ANKRD36B: variants seen among roughly 807,000 people sequenced by gnomAD.
ANKRD36B encodes the protein ankyrin repeat domain 36B.
ANKRD36B carries 37 observed loss-of-function variants against 135.7 expected under a neutral mutation model. The observed-to-expected ratio is 0.27, with a 90% CI of 0.21 to 0.36. The LOEUF is 0.36. Ranked by LOEUF, ANKRD36B falls within the 10% of genes least tolerant of loss-of-function variation. ANKRD36B has a pLI of 1.00. For synonymous variants in ANKRD36B, 179 were observed against 348.1 expected (o/e 0.51, Z 5.41); for missense variants, 549 against 1,037.1 (o/e 0.53, Z 6.46).
Position 97,536,396 on chromosome 2 carries a change from G to T in ANKRD36B, c.2119-24C>A. On this transcript the variant is annotated intron_variant, in intron 33 of 43. Transcript: ENST00000359901. ...GCCTGAATGGGTTTTAAAACAAAGTGATTAGCACATGATGTATATTGGTAT... is the reference window on the plus strand; with the variant it reads ...GCCTGAATGGGTTTTAAAACAAAGTTATTAGCACATGATGTATATTGGTAT... 3 of 903,040 alleles carry T rather than the reference G, an allele frequency of 3.3e-6. 1 individual carries two copies. The allele number at this position is 903,040 out of a possible 1,614,324, so 55.9% of individuals were successfully genotyped here. A position where few individuals can be genotyped will look rare whatever the true frequency, so the allele number is the denominator to read the frequency against.
chr2:97,561,278 A>G (rs555131480), intron 6 of ANKRD36B, among the ~76,000 whole-genome samples: 1 of 152,072 alleles, frequency 6.6e-6, no homozygotes, highest in South Asian at 2.1e-4. Flanking sequence ...GGAATATTTT[A>G]CTGCAAACAT....
intron 1 of ANKRD36B, among the ~76,000 whole-genome samples, chr2:97,587,386 C>T (rs2083085941): frequency 6.6e-6 from 1 of 152,034 alleles, no homozygotes; most frequent in Non-Finnish European, 1.5e-5. Flanking sequence ...ATATTTTGTA[C>T]ACATATTTGG....
chr2:97,555,507 G>C (rs968211487), intron 12 of ANKRD36B, among the ~76,000 whole-genome samples: 7 of 151,776 alleles, frequency 4.6e-5, no homozygotes, highest in African/African-American at 7.3e-5. Flanking sequence ...AACAGTGTTA[G>C]TATCAATGTG....
rs376276116 is a variant in ANKRD36B, at chr2:97,531,119, T to C, written c.2265+1192A>G. 9.8e-5 allele frequency among the ~76,000 whole-genome samples: 9 copies of C among 91,800 alleles called. 4 individuals carry two copies. Among genetic ancestry groups the C allele is most frequent in the Non-Finnish European group, 2.6e-4 (9 of 34,674 alleles). The allele number at this position is 91,800 out of a possible 152,430, so 60.2% of individuals were successfully genotyped here. A position where few individuals can be genotyped will look rare whatever the true frequency, so the allele number is the denominator to read the frequency against. ...GACACATGCACACGTATGTTTATTG[T>C]GGCACTATTCACAATAGCAAAGACT... On this transcript the variant is annotated intron_variant, in intron 35 of 43. Coordinates refer to ENST00000359901, the MANE Select transcript of ANKRD36B (RefSeq NM_001393939.1).
intron 3 of ANKRD36B, 134 bp from the exon 4 acceptor site, chr2:97,580,702 C>A (rs2082578711): frequency 2.2e-5 from 15 of 692,838 alleles, no homozygotes; most frequent in Non-Finnish European, 3.3e-5. Context: ...TTTCTTTTCC[C>A]TCCTCGGTGC....
At position 97,553,176 on chromosome 2, in the gene ANKRD36B, G is replaced by A; in HGVS notation, c.1265C>T (p.Ser422Phe). The stretch of plus-strand genomic sequence containing the variant: ...GTGTTTTGCAAAATTACCTGTCCCA[G>A]ATTTTTCTCCATCCTTTATTTCTGT... Reference protein sequence around the residue: ...IATEIKDGEKSGTVSSQKKPA... With the variant: ...IATEIKDGEKFGTVSSQKKPA... Residue 422 changes from serine (S) to phenylalanine (F), a missense_variant, in exon 16 of 44, where the codon TCT becomes TTT. Ser to Phe is a radical substitution (Grantham distance 155). Coordinates refer to ENST00000359901, the MANE Select transcript of ANKRD36B (RefSeq NM_001393939.1). 1 of 1,611,124 alleles carries A rather than the reference G, an allele frequency of 6.2e-7. No homozygotes were observed. The highest frequency in any genetic ancestry group is 1.1e-5 in the South Asian group (1 of 90,820).
chr2:97,585,148 T>C (rs1187840861), intron 2 of ANKRD36B, 31 bp from the exon 3 acceptor site: 2 of 1,613,702 alleles, frequency 1.2e-6, no homozygotes, highest in Non-Finnish European at 1.7e-6. Context: ...AACATGCAAA[T>C]ACTGAAAAAA....
chr2:97,578,038 A>C (rs1291276294), intron 5 of ANKRD36B, among the ~76,000 whole-genome samples: 1 of 152,092 alleles, frequency 6.6e-6, no homozygotes, highest in Non-Finnish European at 1.5e-5. Flanking sequence ...AAGAGAAAAA[A>C]AAGGGACTCA....
chr2:97,545,586 C>A, intron 24 of ANKRD36B, 80 bp downstream of exon 24: 2 of 746,028 alleles, frequency 2.7e-6, no homozygotes, highest in Non-Finnish European at 4.3e-6. Context: ...ATTTGACGAA[C>A]CCCCCGCTGC....
At chr2:97,548,704 A>G (rs983281220) in intron 20 of ANKRD36B, among the ~76,000 whole-genome samples, 1 of 151,954 alleles carries the variant, frequency 6.6e-6, no homozygotes, top group Non-Finnish European at 1.5e-5. Context: ...TCATTTCTAT[A>G]ACTAAAATCA....
rs1337537464 is a variant in ANKRD36B at position 97,531,897 on chromosome 2, G to A, written c.2265+414C>T. 7.3e-5 allele frequency among the ~76,000 whole-genome samples: 7 copies of A among 96,138 alleles called. 2 individuals are homozygous for A. Among genetic ancestry groups the A allele is most frequent in the Non-Finnish European group, 1.7e-4 (6 of 36,224 alleles). 63.1% of individuals were successfully genotyped at this position (96,138 alleles called of 152,430 possible). ...ATAAATTCTTAACCTTGGTATTAGT[G>A]ACTGGCAATAAAAAAACTGCAAAGT... is the stretch of plus-strand genomic sequence containing the variant. On this transcript the variant is annotated intron_variant, in intron 35 of 43. Coordinates refer to ENST00000359901, the MANE Select transcript of ANKRD36B (RefSeq NM_001393939.1).
intron 14 of ANKRD36B, among the ~76,000 whole-genome samples, chr2:97,553,636 A>C (rs1453585602): frequency 1.3e-5 from 2 of 151,984 alleles, no homozygotes; most frequent in Admixed American, 6.6e-5. Context: ...TGTCAATATC[A>C]AAAAGGGTAT....
At chr2:97,584,880 CA>C in intron 3 of ANKRD36B, 63 bp downstream of exon 3, 1 of 776,080 alleles carries the variant, frequency 1.3e-6, no homozygotes, top group Non-Finnish European at 2.0e-6. Context: ...TTGACCCTTA[CA>C]TGTGTCAATG....
At chr2:97,561,283 A>G (rs1252384862) in intron 6 of ANKRD36B, among the ~76,000 whole-genome samples, 1 of 151,942 alleles carries the variant, frequency 6.6e-6, no homozygotes, top group African/African-American at 2.4e-5. Context: ...ATTTTACTGC[A>G]AACATTCATC....
At chr2:97,551,611 G>C (rs1187741752) in intron 16 of ANKRD36B, 131 bp from the exon 17 acceptor site, 8 of 1,437,818 alleles carry the variant, frequency 5.6e-6, no homozygotes, top group Non-Finnish European at 6.7e-6. Flanking sequence ...CTTCTACTTT[G>C]TGTCTGGGGA....
At chr2:97,556,531 C>T (rs1050027750) in intron 12 of ANKRD36B, among the ~76,000 whole-genome samples, 1 of 151,858 alleles carries the variant, frequency 6.6e-6, no homozygotes, top group African/African-American at 2.4e-5. Context: ...TCTCATTCTC[C>T]AGTGTCTACG....
chr2:97,571,497 T>C (rs916060438), intron 6 of ANKRD36B, among the ~76,000 whole-genome samples: 8 of 151,904 alleles, frequency 5.3e-5, no homozygotes, highest in African/African-American at 1.7e-4. Context: ...AATATAAAAA[T>C]TAGCTGGGCG....
intron 16 of ANKRD36B, among the ~76,000 whole-genome samples, chr2:97,552,454 A>G (rs1337762033): frequency 6.6e-6 from 1 of 151,932 alleles, no homozygotes; most frequent in East Asian, 1.9e-4. Flanking sequence ...CATTTCTATA[A>G]CTAAAATCAA....
intron 6 of ANKRD36B, among the ~76,000 whole-genome samples, chr2:97,566,436 T>C (rs1194136560): frequency 6.6e-6 from 1 of 152,206 alleles, no homozygotes; most frequent in Non-Finnish European, 1.5e-5. Flanking sequence ...AGCAGTTCTT[T>C]AGAAACATAC....
Sources: allele counts gnomAD v4.1 joint callset (sites outside exome capture counted in the v4.1 genomes callset), GRCh38; gene constraint gnomAD v4.1.1; transcripts MANE v1.5; gene names NCBI Gene and HGNC (gene_info 2026-07-23, HGNC 2026-07-21).